Variants in CATSPERE observed in about 807,000 individuals in gnomAD.
CATSPERE encodes cation channel sperm-associated auxiliary subunit epsilon.
In CATSPERE, 93 loss-of-function variants were observed where a neutral mutation model predicts 114.1. That is an observed-to-expected ratio of 0.81 (90% confidence interval 0.69 to 0.97). The LOEUF is 0.97. Among genes scored for constraint, CATSPERE ranks in the 50% least tolerant of loss-of-function variants. The probability of loss-of-function intolerance (pLI) is 0.00; values close to 1 mark genes in which losing one functional copy is unlikely to be tolerated. For missense variants in CATSPERE, 1,058 were observed against 1,131.6 expected, an observed-to-expected ratio of 0.93 and a Z score of 0.93; for synonymous variants, 341 against 384.1, an observed-to-expected ratio of 0.89 and a Z score of 1.31.
intron 12 of CATSPERE, 112 bp from the exon 13 acceptor site, chr1:244,583,752 G>T (rs376817242): frequency 2.3e-6 from 2 of 851,760 alleles, no homozygotes; most frequent in Admixed American, 2.4e-5. Flanking sequence ...AGAAATTGGC[G>T]TGGGAGGTCA....
In CATSPERE at chr1:244,621,327, T is replaced by TAAATATATAAA. The variant is rs1558611712; in HGVS notation, c.2648+3642_2648+3643insAATATATAAAA. Among the ~76,000 whole-genome samples, 30 of 23,428 alleles carry TAAATATATAAA rather than the reference T, an allele frequency of 1.3e-3. 2 individuals are homozygous for TAAATATATAAA. Among genetic ancestry groups the TAAATATATAAA allele is most frequent in the African/African-American group, 3.1e-3 (29 of 9,282 alleles). The allele number at this position is 23,428 out of a possible 152,430, so 15.4% of individuals were successfully genotyped here. A position where few individuals can be genotyped will look rare whatever the true frequency, so the allele number is the denominator to read the frequency against. On this transcript the variant is annotated intron_variant, in intron 20 of 21. Coordinates refer to ENST00000366534, the MANE Select transcript of CATSPERE (RefSeq NM_001130957.2). ...TATAAATATATAAAATATATATATA[T>TAAATATATAAA]ATATATATATATATATATTCCCTAA...
At chr1:244,628,455 G>A (rs1338971922) in intron 20 of CATSPERE, among the ~76,000 whole-genome samples, 1 of 152,150 alleles carries the variant, frequency 6.6e-6, no homozygotes, top group East Asian at 1.9e-4. Context: ...TGGTGCTCAG[G>A]TGGTAAAGTA....
chr1:244,556,463 G>T (rs1661592382), intron 9 of CATSPERE, among the ~76,000 whole-genome samples: 1 of 152,064 alleles, frequency 6.6e-6, no homozygotes. Context: ...AAAAGGCAGA[G>T]ATTGTCAGAT....
chr1:244,489,320 C>A (rs868402594), intron 5 of CATSPERE, among the ~76,000 whole-genome samples: 2 of 151,872 alleles, frequency 1.3e-5, no homozygotes, highest in Non-Finnish European at 2.9e-5. Context: ...AGACAAATTT[C>A]TGTTTGACAT....
intron 10 of CATSPERE, among the ~76,000 whole-genome samples, chr1:244,565,915 T>A (rs1024442509): frequency 1.3e-5 from 2 of 152,192 alleles, no homozygotes; most frequent in Non-Finnish European, 2.9e-5. Context: ...CTAGTTCTTT[T>A]AATTGTGATG....
chr1:244,608,233 A>AT (rs1670251571), intron 18 of CATSPERE, among the ~76,000 whole-genome samples: 1 of 151,858 alleles, frequency 6.6e-6, no homozygotes, highest in Non-Finnish European at 1.5e-5. Context: ...AGCAGCCCCC[A>AT]TTAAAACTAC....
At chr1:244,469,638 C>G (rs937566930) in intron 2 of CATSPERE, among the ~76,000 whole-genome samples, 1 of 152,096 alleles carries the variant, frequency 6.6e-6, no homozygotes, top group Non-Finnish European at 1.5e-5. Context: ...CCCAAGGAAT[C>G]TAACAAAAAA....
chr1:244,577,585 C>T (rs577324964), intron 11 of CATSPERE, among the ~76,000 whole-genome samples: 3 of 152,180 alleles, frequency 2.0e-5, no homozygotes, highest in Non-Finnish European at 4.4e-5. Flanking sequence ...TCACAGACAG[C>T]GTCTTTTCAC....
At chr1:244,586,726 T>C (rs1359785697) in intron 13 of CATSPERE, among the ~76,000 whole-genome samples, 1 of 152,162 alleles carries the variant, frequency 6.6e-6, no homozygotes, top group Non-Finnish European at 1.5e-5. Context: ...TTTTTCCAGA[T>C]TTGCTTTGTG....
intron 8 of CATSPERE, among the ~76,000 whole-genome samples, chr1:244,533,305 C>T (rs945015578): frequency 1.3e-5 from 2 of 151,630 alleles, no homozygotes; most frequent in African/African-American, 4.8e-5. Flanking sequence ...TTTTTTAATC[C>T]GTTCAGCCAC....
intron 5 of CATSPERE, among the ~76,000 whole-genome samples, chr1:244,486,218 T>A (rs896736789): frequency 2.0e-5 from 3 of 152,260 alleles, no homozygotes; most frequent in Non-Finnish European, 4.4e-5. Context: ...TGGTGTTTTT[T>A]ATTTGCAATT....
chr1:244,543,529 G>C (rs565529743), intron 8 of CATSPERE, among the ~76,000 whole-genome samples: 220 of 151,734 alleles, frequency 1.4e-3, no homozygotes, highest in African/African-American at 5.1e-3. Flanking sequence ...GGGTACAAAA[G>C]TTCAGATTTA....
intron 8 of CATSPERE, among the ~76,000 whole-genome samples, chr1:244,534,734 C>T (rs1370345632): frequency 6.6e-6 from 1 of 152,120 alleles, no homozygotes; most frequent in African/African-American, 2.4e-5. Context: ...GTTAGAAAGA[C>T]CACATATCTC....
chr1:244,581,673 A>T (rs1332906619), intron 11 of CATSPERE, 123 bp from the exon 12 acceptor site: 1 of 545,820 alleles, frequency 1.8e-6, no homozygotes, highest in African/African-American at 2.0e-5. Flanking sequence ...CGTGATGAAC[A>T]TCATTACATA....
chr1:244,584,148 A>T (rs565170787), intron 13 of CATSPERE, among the ~76,000 whole-genome samples: 4 of 152,198 alleles, frequency 2.6e-5, no homozygotes, highest in South Asian at 2.1e-4. Context: ...ATAATTTAAT[A>T]AAAAAACAAA....
At chr1:244,490,146 C>T (rs578097593) in intron 5 of CATSPERE, among the ~76,000 whole-genome samples, 4 of 152,038 alleles carry the variant, frequency 2.6e-5, no homozygotes, top group Non-Finnish European at 4.4e-5. Flanking sequence ...ATATTCATTT[C>T]GTAACTTCAA....
At chr1:244,512,739 C>T (rs1437799543) in intron 7 of CATSPERE, among the ~76,000 whole-genome samples, 5 of 152,302 alleles carry the variant, frequency 3.3e-5, no homozygotes, top group Admixed American at 3.3e-4. Flanking sequence ...TAGTGGAAGA[C>T]ATTTTCCTTT....
intron 11 of CATSPERE, among the ~76,000 whole-genome samples, chr1:244,579,930 G>T (rs1315505703): frequency 1.3e-5 from 2 of 152,022 alleles, no homozygotes; most frequent in Non-Finnish European, 2.9e-5. Flanking sequence ...TACATTAAGG[G>T]CTTAGAAAAG....
chr1:244,627,225 G>A (rs1007154798), intron 20 of CATSPERE, among the ~76,000 whole-genome samples: 1 of 152,082 alleles, frequency 6.6e-6, no homozygotes, highest in African/African-American at 2.4e-5. Context: ...ATCTTATATG[G>A]TCGCAGTTCA....
Sources: allele counts gnomAD v4.1 joint callset (sites outside exome capture counted in the v4.1 genomes callset), GRCh38; gene constraint gnomAD v4.1.1; transcripts MANE v1.5; gene names NCBI Gene and HGNC (gene_info 2026-07-23, HGNC 2026-07-21).